Variants in ANKRD11 observed in about 807,000 individuals in gnomAD.
ANKRD11 encodes the protein ankyrin repeat domain-containing protein 11.
A neutral mutation model predicts 195.7 loss-of-function variants in ANKRD11; 17 were observed. The ratio of observed to expected loss-of-function variants is 0.09; its 90% confidence interval spans 0.06 to 0.13. The LOEUF (loss-of-function observed/expected upper bound fraction) is 0.13. ANKRD11 is among the 10% of genes least tolerant of loss of function. ANKRD11 has a pLI of 1.00. For synonymous variants in ANKRD11, 1,953 were observed against 1,528.1 expected (o/e 1.28, Z -6.49); for missense variants, 3,735 against 3,566.1 (o/e 1.05, Z -1.21).
At chr16:89,376,268 G>C (rs1266879572) in intron 2 of ANKRD11, among the ~76,000 whole-genome samples, 4 of 152,196 alleles carry the variant, frequency 2.6e-5, no homozygotes, top group African/African-American at 4.8e-5. Flanking sequence ...AGGGGAAGCA[G>C]CTGGAGAAGT....
At chr16:89,318,264 G>C (rs964613167) in intron 2 of ANKRD11, among the ~76,000 whole-genome samples, 5 of 152,172 alleles carry the variant, frequency 3.3e-5, no homozygotes, top group African/African-American at 1.2e-4. Flanking sequence ...CTGCCTGTGG[G>C]CCTTCTAGGT....
At chr16:89,381,760 G>A (rs1423093551) in intron 2 of ANKRD11, among the ~76,000 whole-genome samples, 3 of 152,084 alleles carry the variant, frequency 2.0e-5, no homozygotes, top group Admixed American at 6.6e-5. Flanking sequence ...CCTCCTTACC[G>A]AATTTATACA....
intron 2 of ANKRD11, among the ~76,000 whole-genome samples, chr16:89,352,491 T>G (rs968550619): frequency 2.0e-5 from 3 of 151,938 alleles, no homozygotes; most frequent in Admixed American, 1.3e-4. Flanking sequence ...TCTTCAAGGC[T>G]CACACCCTTC....
At chr16:89,465,118 TG>T (rs1045597947) in intron 1 of ANKRD11, among the ~76,000 whole-genome samples, 3 of 152,248 alleles carry the variant, frequency 2.0e-5, no homozygotes, top group Non-Finnish European at 4.4e-5. Context: ...GTTTTAAGTG[TG>T]GCCCCGGTTC....
chr16:89,290,613 C>T lies in ANKRD11; in HGVS notation c.601+12G>A. On this transcript the variant is annotated intron_variant, in intron 6 of 12. Transcript: ENST00000301030. ...GGGGCTCTCTGGCCCTTGCCAGGCA[C>T]AGGGTGCCCACCTGCGAAGTCCTTG... The T allele has an allele frequency of 6.2e-7, 1 of 1,610,970 alleles. No homozygotes were observed. The highest frequency in any genetic ancestry group is 8.5e-7 in the Non-Finnish European group (1 of 1,179,828).
chr16:89,419,317 G>C (rs555772412), intron 1 of ANKRD11, among the ~76,000 whole-genome samples: 12 of 151,972 alleles, frequency 7.9e-5, no homozygotes, highest in Non-Finnish European at 1.3e-4. Flanking sequence ...ACCAGGTGTG[G>C]TGGCTTGTAC....
intron 1 of ANKRD11, among the ~76,000 whole-genome samples, chr16:89,453,514 T>C (rs909959805): frequency 2.6e-5 from 4 of 152,234 alleles, no homozygotes; most frequent in African/African-American, 9.6e-5. Flanking sequence ...GAACACGTCC[T>C]GCCTGCTAAG....
At chr16:89,475,155 T>G (rs1435992382) in intron 1 of ANKRD11, among the ~76,000 whole-genome samples, 1 of 152,184 alleles carries the variant, frequency 6.6e-6, no homozygotes, top group East Asian at 1.9e-4. Context: ...GGGGAGCTCT[T>G]GGGTCGTCAG....
intron 9 of ANKRD11, among the ~76,000 whole-genome samples, chr16:89,275,710 G>A (rs1442913952): frequency 1.3e-5 from 2 of 152,218 alleles, no homozygotes; most frequent in African/African-American, 4.8e-5. Flanking sequence ...CCAGGTCCCC[G>A]TGGGGGCTGG....
intron 2 of ANKRD11, among the ~76,000 whole-genome samples, chr16:89,407,050 G>C (rs1030058447): frequency 2.0e-5 from 3 of 152,046 alleles, no homozygotes; most frequent in African/African-American, 7.2e-5. Flanking sequence ...GCCGGACATG[G>C]TGGCAGGCAT....
intron 2 of ANKRD11, among the ~76,000 whole-genome samples, chr16:89,365,462 C>T (rs1164621543): frequency 6.6e-6 from 1 of 152,222 alleles, no homozygotes; most frequent in Non-Finnish European, 1.5e-5. Context: ...AGATGAGAGG[C>T]CTGTGCTTGG....
chr16:89,358,740 C>T (rs936927204), intron 2 of ANKRD11, among the ~76,000 whole-genome samples: 5 of 152,204 alleles, frequency 3.3e-5, no homozygotes, highest in Non-Finnish European at 7.4e-5. Context: ...CATCTGCACC[C>T]AGCCCTAGAT....
intron 1 of ANKRD11, among the ~76,000 whole-genome samples, chr16:89,486,732 A>G (rs1430845719): frequency 6.6e-6 from 1 of 152,144 alleles, no homozygotes; most frequent in Non-Finnish European, 1.5e-5. Context: ...GAGGCCAGGC[A>G]TGGTGGCTCA....
chr16:89,389,592 C>T (rs926386966), intron 2 of ANKRD11, among the ~76,000 whole-genome samples: 2 of 152,100 alleles, frequency 1.3e-5, no homozygotes, highest in African/African-American at 4.8e-5. Flanking sequence ...CTGTGTGAGA[C>T]GAAAATCACA....
At chr16:89,352,215 A>G (rs964146980) in intron 2 of ANKRD11, among the ~76,000 whole-genome samples, 5 of 152,026 alleles carry the variant, frequency 3.3e-5, no homozygotes, top group South Asian at 2.1e-4. Flanking sequence ...AAAGCATGAG[A>G]CACGTTTCCC....
intron 4 of ANKRD11, chr16:89,297,513 A>T (rs2035517046): frequency 6.6e-6 from 1 of 152,158 alleles, no homozygotes; most frequent in Admixed American, 6.5e-5. Flanking sequence ...AAAGCCATGA[A>T]ATACAGCACT....
rs568157534 is a variant in ANKRD11, at chr16:89,334,884, G to C, written c.-59-17806C>G. Among the ~76,000 whole-genome samples, 13 of 152,266 alleles carry C rather than the reference G, an allele frequency of 8.5e-5. No homozygotes were observed. In the East Asian group the frequency reaches 2.5e-3, roughly 30 times the overall value. ...ACTGGATTCGAAGAGCCAGACACGA[G>C]TGTGTCTGCTGTGGCCTTCTGCATG... On this transcript the variant is annotated intron_variant, in intron 2 of 12. Coordinates refer to ENST00000301030, the MANE Select transcript of ANKRD11 (RefSeq NM_013275.6).
chr16:89,412,924 G>A lies in ANKRD11; in HGVS notation c.-60+5360C>T, dbSNP rs117233356. ...CAGCAGAGGTCACAGGTCAGCAGAG[G>A]TCCCAGCACTCAGAGCCGGATTCCA... On this transcript the variant is annotated intron_variant, in intron 2 of 12. Transcript: ENST00000301030. 1.9e-3 allele frequency among the ~76,000 whole-genome samples: 282 copies of A among 152,260 alleles called. 1 individual carries two copies. The highest frequency in any genetic ancestry group is 3.4e-3 in the Middle Eastern group (1 of 294).
At chr16:89,422,681 G>A (rs1486378702) in intron 1 of ANKRD11, among the ~76,000 whole-genome samples, 2 of 152,138 alleles carry the variant, frequency 1.3e-5, no homozygotes, top group South Asian at 2.1e-4. Flanking sequence ...AGCACCGTCC[G>A]AAACAGAATC....
Sources: gnomAD v4.1 joint callset for allele counts (sites outside exome capture counted in the v4.1 genomes callset) on GRCh38, gnomAD v4.1.1 for gene constraint, MANE v1.5 for transcripts, NCBI Gene and HGNC (gene_info 2026-07-23, HGNC 2026-07-21) for gene names.